ARHGEF28: variants seen among roughly 807,000 people sequenced by gnomAD.
ARHGEF28 encodes Rho guanine nucleotide exchange factor 28, also known as 190 kDa guanine nucleotide exchange factor.
In ARHGEF28, 152 loss-of-function variants were observed where a neutral mutation model predicts 206.6. The observed-to-expected ratio is 0.74, with a 90% confidence interval of 0.64 to 0.84. The LOEUF (loss-of-function observed/expected upper bound fraction) is 0.84, where lower values mean the gene tolerates loss of function less well. Ranked by LOEUF, ARHGEF28 falls within the 40% of genes least tolerant of loss-of-function variation. ARHGEF28 has a pLI of 0.00. For missense variants in ARHGEF28, 2,028 were observed against 2,073.2 expected (o/e 0.98, Z 0.42); for synonymous variants, 763 against 776.4 (o/e 0.98, Z 0.29).
intron 1 of ARHGEF28, among the ~76,000 whole-genome samples, chr5:73,670,905 C>G (rs1430390694): frequency 6.6e-6 from 1 of 152,152 alleles, no homozygotes; most frequent in Non-Finnish European, 1.5e-5. Flanking sequence ...TTCTCCCACT[C>G]TGGAGCATGT....
chr5:73,820,754 C>T (rs1240891302), intron 9 of ARHGEF28, among the ~76,000 whole-genome samples: 1 of 152,156 alleles, frequency 6.6e-6, no homozygotes, highest in Non-Finnish European at 1.5e-5. Context: ...TCAATTCAGG[C>T]CACTTCGTGT....
rs1157170461 is a variant in ARHGEF28 at position 73,941,727 on chromosome 5, C to G, written c.*714C>G. ...GTGAACTTTGTTAGAGCCCTCACTT[C>G]TATCAATCAGCTGTCCTGTCCCTGC... On this transcript the variant is annotated 3_prime_UTR_variant, in exon 36 of 36. Coordinates refer to ENST00000513042, the MANE Select transcript of ARHGEF28 (RefSeq NM_001177693.2). The G allele has an allele frequency of 6.6e-6, 1 of 152,238 alleles. No individual in the cohort carries two copies. The highest frequency in any genetic ancestry group is 2.4e-5 in the African/African-American group (1 of 41,460). 9.4% of individuals were successfully genotyped at this position (152,238 alleles called of 1,614,324 possible). A position where few individuals can be genotyped will look rare whatever the true frequency, so the allele number is the denominator to read the frequency against.
At chr5:73,888,891 T>C (rs1761459368) in intron 26 of ARHGEF28, among the ~76,000 whole-genome samples, 4 of 152,154 alleles carry the variant, frequency 2.6e-5, no homozygotes. Flanking sequence ...CTCTTCTTGG[T>C]GGAATGTGTT....
In ARHGEF28 at chr5:73,933,920, GT is replaced by G. The variant is rs398064906; in HGVS notation, c.4949-6911del. Among the ~76,000 whole-genome samples the G allele has an allele frequency of 8.9e-3, 1,243 of 139,900 alleles. 7 individuals carry two copies. The highest frequency in any genetic ancestry group is 0.019 in the Middle Eastern group (5 of 258). The allele number at this position is 139,900 out of a possible 152,430, so 91.8% of individuals were successfully genotyped here. A position where few individuals can be genotyped will look rare whatever the true frequency, so the allele number is the denominator to read the frequency against. On this transcript the variant is annotated intron_variant, in intron 35 of 35. Transcript: ENST00000513042. ...AATTTCTCTGGATTGTCTCATAAAT[GT>G]TTTTTTTTTTTTCCCCCTCAGTTTG... is the stretch of plus-strand genomic sequence containing the variant.
chr5:73,760,961 C>G (rs189785552), intron 4 of ARHGEF28, among the ~76,000 whole-genome samples: 1 of 152,196 alleles, frequency 6.6e-6, no homozygotes, highest in Non-Finnish European at 1.5e-5. Flanking sequence ...GAGAATTACG[C>G]ACTTACTCCC....
At chr5:73,721,563 T>A (rs1749948022) in intron 2 of ARHGEF28, among the ~76,000 whole-genome samples, 1 of 152,164 alleles carries the variant, frequency 6.6e-6, no homozygotes, top group South Asian at 2.1e-4. Context: ...GAAATTGGCT[T>A]ATTAGGCTAG....
chr5:73,766,174 C>A (rs1020657905), intron 4 of ARHGEF28, among the ~76,000 whole-genome samples: 10 of 150,074 alleles, frequency 6.7e-5, no homozygotes, highest in East Asian at 1.9e-4. Context: ...AAACAAAAAA[C>A]AAAAAACAAA....
chr5:73,846,099 G>T (rs751047015), intron 11 of ARHGEF28, among the ~76,000 whole-genome samples, 169 bp from the exon 12 acceptor site: 1 of 151,648 alleles, frequency 6.6e-6, no homozygotes, highest in Non-Finnish European at 1.5e-5. Flanking sequence ...TTTAAAAAGA[G>T]ATTTGGAGGG....
intron 8 of ARHGEF28, 91 bp downstream of exon 8, chr5:73,794,545 T>TA (rs144455294): frequency 0.034 from 35,651 of 1,035,302 alleles, 3,207 homozygotes; most frequent in African/African-American, 0.25. Context: ...TAAAAAACAC[T>TA]AAAAAAAGGA....
intron 33 of ARHGEF28, among the ~76,000 whole-genome samples, chr5:73,908,174 T>C (rs1302323061): frequency 6.6e-6 from 1 of 152,206 alleles, no homozygotes; most frequent in Non-Finnish European, 1.5e-5. Context: ...ATTTTAAAGA[T>C]TAGTTTCCAA....
chr5:73,741,429 A>G (rs183282434), intron 2 of ARHGEF28, among the ~76,000 whole-genome samples: 23 of 35,930 alleles, frequency 6.4e-4, no homozygotes, highest in East Asian at 3.0e-3. Context: ...ATATATATAT[A>G]TATATATATA....
chr5:73,642,609 G>A (rs1289231993), intron 1 of ARHGEF28, among the ~76,000 whole-genome samples: 1 of 147,544 alleles, frequency 6.8e-6, no homozygotes, highest in Admixed American at 6.7e-5. Context: ...TTTTTTTTTT[G>A]TTCTGTTCTA....
At chr5:73,714,536 GATT>G (rs1462615254) in intron 2 of ARHGEF28, among the ~76,000 whole-genome samples, 1 of 152,160 alleles carries the variant, frequency 6.6e-6, no homozygotes, top group East Asian at 1.9e-4. Context: ...CACAAGTGAA[GATT>G]ATTCTGAGGA....
intron 2 of ARHGEF28, among the ~76,000 whole-genome samples, chr5:73,735,049 C>G (rs182302259): frequency 6.6e-6 from 1 of 152,174 alleles, no homozygotes; most frequent in East Asian, 1.9e-4. Context: ...GCCGACCTCA[C>G]TGTGCTGTTT....
At chr5:73,787,703 T>C (rs910477197) in intron 7 of ARHGEF28, among the ~76,000 whole-genome samples, 4 of 152,302 alleles carry the variant, frequency 2.6e-5, no homozygotes, top group Admixed American at 2.6e-4. Flanking sequence ...GCAAAGGACA[T>C]GAACTCATAC....
chr5:73,771,162 T>C (rs747870987), intron 4 of ARHGEF28, among the ~76,000 whole-genome samples: 7 of 152,238 alleles, frequency 4.6e-5, no homozygotes, highest in Non-Finnish European at 1.0e-4. Context: ...TCCCTTTTGA[T>C]CATTTTTTTG....
intron 33 of ARHGEF28, chr5:73,908,555 CTT>C (rs1311933811): frequency 1.3e-5 from 2 of 152,192 alleles, no homozygotes; most frequent in Non-Finnish European, 2.9e-5. Context: ...ACAGAGATCT[CTT>C]TGGTTTTGTG....
intron 9 of ARHGEF28, among the ~76,000 whole-genome samples, chr5:73,795,728 G>A (rs1561409847): frequency 6.6e-6 from 1 of 152,208 alleles, no homozygotes; most frequent in East Asian, 1.9e-4. Context: ...AGCAGTTGAA[G>A]CACTGGTGGA....
intron 31 of ARHGEF28, 121 bp from the exon 32 acceptor site, chr5:73,904,101 A>G (rs2112713849): frequency 9.9e-6 from 9 of 909,898 alleles, no homozygotes; most frequent in Non-Finnish European, 1.6e-5. Flanking sequence ...CAGTATAGAT[A>G]AGGTAATCAA....
Sources: allele counts gnomAD v4.1 joint callset (sites outside exome capture counted in the v4.1 genomes callset), GRCh38; gene constraint gnomAD v4.1.1; transcripts MANE v1.5; gene names NCBI Gene and HGNC (gene_info 2026-07-23, HGNC 2026-07-21).